Variants in TAGLN2 observed in about 807,000 individuals in gnomAD.
TAGLN2 encodes the protein transgelin 2.
TAGLN2 carries 14 observed loss-of-function variants against 24.9 expected under a neutral mutation model. The observed-to-expected ratio is 0.56, with a 90% CI of 0.37 to 0.88. TAGLN2 has a LOEUF of 0.88. Among genes scored for constraint, TAGLN2 ranks in the 40% least tolerant of loss-of-function variants. The probability of loss-of-function intolerance (pLI) is 0.00; values close to 1 mark genes in which losing one functional copy is unlikely to be tolerated. For synonymous variants in TAGLN2, 77 were observed against 98.2 expected (o/e 0.78, Z 1.28); for missense variants, 208 against 258.9 (o/e 0.80, Z 1.35).
chr1:159,923,328 A>G, intron 1 of TAGLN2: 1 of 1,291,180 alleles, frequency 7.7e-7, no homozygotes, highest in South Asian at 1.4e-5. Flanking sequence ...GCGCTACTGC[A>G]GCTGTGAGAA....
At chr1:159,924,863 T>C (rs1217829193) in intron 1 of TAGLN2, among the ~76,000 whole-genome samples, 3 of 152,208 alleles carry the variant, frequency 2.0e-5, no homozygotes, top group African/African-American at 7.2e-5. Flanking sequence ...CAGGGGACCG[T>C]CATAGAGATG....
At chr1:159,919,119 C>T (rs1650437904) in intron 4 of TAGLN2, 155 bp downstream of exon 4, 1 of 1,255,304 alleles carries the variant, frequency 8.0e-7, no homozygotes, top group Non-Finnish European at 1.1e-6. Context: ...CATTTGCCAT[C>T]CCAGAGGGTG....
chr1:159,919,565 G>T, intron 3 of TAGLN2, 96 bp downstream of exon 3: 1 of 1,484,678 alleles, frequency 6.7e-7, no homozygotes, highest in Non-Finnish European at 9.3e-7. Flanking sequence ...TTTCTCTGCA[G>T]GGAGCCAGAA....
At chr1:159,919,127 G>T in intron 4 of TAGLN2, 147 bp downstream of exon 4, 3 of 1,234,116 alleles carry the variant, frequency 2.4e-6, no homozygotes, top group Non-Finnish European at 3.5e-6. Context: ...ATCCCAGAGG[G>T]TGTTGTGAGG....
At chr1:159,920,596 A>G in intron 1 of TAGLN2, 59 bp from the exon 2 acceptor site, 1 of 1,552,244 alleles carries the variant, frequency 6.4e-7, no homozygotes, top group Non-Finnish European at 8.7e-7. Context: ...GGAGTGGGGA[A>G]TTCAGGAATT....
intron 1 of TAGLN2, among the ~76,000 whole-genome samples, chr1:159,922,959 G>A (rs1312128648): frequency 6.6e-6 from 1 of 152,240 alleles, no homozygotes; most frequent in African/African-American, 2.4e-5. Flanking sequence ...TCCACTCTGG[G>A]GCCATTGCCC....
chr1:159,921,173 G>GTC (rs1553225277), intron 1 of TAGLN2, among the ~76,000 whole-genome samples: 6 of 151,514 alleles, frequency 4.0e-5, no homozygotes, highest in African/African-American at 1.2e-4. Context: ...GCAGAATCAT[G>GTC]CCCCCGCAAA....
intron 3 of TAGLN2, 133 bp from the exon 4 acceptor site, chr1:159,919,509 G>A (rs1199699820): frequency 1.5e-6 from 2 of 1,313,430 alleles, no homozygotes; most frequent in Non-Finnish European, 2.2e-6. Flanking sequence ...CTCCATTCCA[G>A]CCTCCAATAT....
intron 1 of TAGLN2, chr1:159,923,693 A>ATTTTTAATGAT: frequency 2.2e-6 from 1 of 446,780 alleles, no homozygotes; most frequent in Non-Finnish European, 4.0e-6. Flanking sequence ...TAAGGGAACC[A>ATTTTTAATGAT]CCGTAGGGCA....
At chr1:159,922,081 A>G (rs953531312) in intron 1 of TAGLN2, among the ~76,000 whole-genome samples, 25 of 152,224 alleles carry the variant, frequency 1.6e-4, no homozygotes, top group Admixed American at 1.3e-4. Context: ...TCAGGGATGA[A>G]GTCACTCCAG....
At chr1:159,923,002 G>C (rs1166492257) in intron 1 of TAGLN2, among the ~76,000 whole-genome samples, 2 of 152,212 alleles carry the variant, frequency 1.3e-5, no homozygotes, top group African/African-American at 4.8e-5. Flanking sequence ...CATAGGGCGG[G>C]GTCCTGAGAA....
At chr1:159,919,892 G>A (rs1650472236) in intron 2 of TAGLN2, 57 bp from the exon 3 acceptor site, 11 of 1,578,960 alleles carry the variant, frequency 7.0e-6, no homozygotes, top group Non-Finnish European at 9.5e-6. Context: ...TCGCAGCTCA[G>A]CGTGCACCAC....
chr1:159,923,907 G>A (rs1019515652), intron 1 of TAGLN2, among the ~76,000 whole-genome samples: 2 of 152,188 alleles, frequency 1.3e-5, no homozygotes, highest in Admixed American at 6.5e-5. Flanking sequence ...CTGTGAGCAC[G>A]GGAGCAGAAG....
chr1:159,922,201 T>C (rs1650553524), intron 1 of TAGLN2, among the ~76,000 whole-genome samples: 1 of 151,994 alleles, frequency 6.6e-6, no homozygotes, highest in South Asian at 2.1e-4. Context: ...CCTCAACACC[T>C]CTCGGCCGCA....
Position 159,920,426 on chromosome 1 carries a change from C to T in TAGLN2, c.84G>A (p.Gln28=). 3.7e-6 allele frequency: 6 copies of T among 1,614,250 alleles called. No individual in the cohort carries two copies. Among genetic ancestry groups the T allele is most frequent in the Non-Finnish European group, 5.1e-6 (6 of 1,180,052 alleles). ...IEKQYDADLE[Q]ILIQWITTQC... ...GGGTGGTGATCCACTGGATCAGGAT[C>T]TGCTCCAGATCTGCATCATATTGTT... The change falls in exon 2 of 5, where the codon CAG becomes CAA. Residue 28 remains glutamine, a synonymous_variant. Transcript: ENST00000368097.
chr1:159,918,978 A>C (rs1370529069), intron 4 of TAGLN2, 37 bp from the exon 5 acceptor site: 1 of 1,611,636 alleles, frequency 6.2e-7, no homozygotes, highest in African/African-American at 1.3e-5. Flanking sequence ...AGGAGATCAC[A>C]GGCTGCCCTA....
intron 1 of TAGLN2, among the ~76,000 whole-genome samples, chr1:159,922,349 G>A (rs537768357): frequency 2.0e-5 from 3 of 152,104 alleles, no homozygotes; most frequent in South Asian, 2.1e-4. Context: ...AGAGCAACCC[G>A]CCCCCTCCAC....
In TAGLN2 at chr1:159,919,854, G is replaced by T; in HGVS notation, c.181-19C>A. ...ATAGCACCTGGATGAGGACAGCAGG[G>T]GTGGAAAGGTGAGAATATGCCTACC... is the stretch of plus-strand genomic sequence containing the variant. On this transcript the variant is annotated intron_variant, in intron 2 of 4. Coordinates refer to ENST00000368097, the MANE Select transcript of TAGLN2 (RefSeq NM_003564.3). 2 of 1,610,092 alleles carry T rather than the reference G, an allele frequency of 1.2e-6. No individual in the cohort carries two copies. The highest frequency in any genetic ancestry group is 8.5e-7 in the Non-Finnish European group (1 of 1,176,868).
intron 1 of TAGLN2, among the ~76,000 whole-genome samples, chr1:159,922,597 T>A (rs1650568341): frequency 1.3e-5 from 2 of 152,162 alleles, no homozygotes; most frequent in Non-Finnish European, 2.9e-5. Flanking sequence ...GGCTAAGAGC[T>A]ACTACCACCA....
Sources: allele counts gnomAD v4.1 joint callset (sites outside exome capture counted in the v4.1 genomes callset), GRCh38; gene constraint gnomAD v4.1.1; transcripts MANE v1.5; gene names NCBI Gene and HGNC (gene_info 2026-07-23, HGNC 2026-07-21).